COL8A1: variants seen among roughly 807,000 people sequenced by gnomAD.
COL8A1 encodes the protein collagen alpha-1(VIII) chain.
A neutral mutation model predicts 42.7 loss-of-function variants in COL8A1; 21 were observed. That is an observed-to-expected ratio of 0.49 (90% confidence interval 0.35 to 0.71). COL8A1 has a LOEUF of 0.71. Among genes scored for constraint, COL8A1 ranks in the 30% least tolerant of loss-of-function variants. The pLI is 0.01. For missense variants in COL8A1, 788 were observed against 962.4 expected (o/e 0.82, Z 2.40); for synonymous variants, 367 against 369.1 (o/e 0.99, Z 0.06).
intron 1 of COL8A1, among the ~76,000 whole-genome samples, chr3:99,668,094 G>A (rs1036056191): frequency 7.2e-5 from 11 of 151,924 alleles, no homozygotes; most frequent in Non-Finnish European, 1.5e-4. Context: ...AGATAACACA[G>A]CAAATTTAAA....
At chr3:99,668,784 G>A (rs1484432103) in intron 1 of COL8A1, among the ~76,000 whole-genome samples, 1 of 151,984 alleles carries the variant, frequency 6.6e-6, no homozygotes, top group African/African-American at 2.4e-5. Context: ...AATATGCCAG[G>A]CACAGTATCA....
intron 2 of COL8A1, among the ~76,000 whole-genome samples, chr3:99,755,299 T>C (rs141173326): frequency 1.6e-4 from 25 of 152,334 alleles, no homozygotes; most frequent in African/African-American, 4.8e-4. Context: ...CTCCCTCTGA[T>C]AGTTGAGTTT....
At chr3:99,694,629 T>C (rs932110844) in intron 1 of COL8A1, among the ~76,000 whole-genome samples, 2 of 152,248 alleles carry the variant, frequency 1.3e-5, no homozygotes, top group Non-Finnish European at 2.9e-5. Flanking sequence ...TCAGTGTTTG[T>C]TTTATGCCTG....
rs1411490189 is a variant in COL8A1 at position 99,794,922 on chromosome 3, C to T, written c.1021C>T (p.Leu341=). ...GGKGEQGLPG[L]PGPPGLPGIG... is the part of the protein sequence containing the mutation. ...CAAAGGGGAGCAAGGACTGCCAGGG[C>T]TACCAGGACCCCCAGGCCTTCCAGG... Residue 341 remains leucine, a synonymous_variant, in exon 4 of 4, where the codon CTA becomes TTA. Transcript: ENST00000652472. This position sits in a 1 kb window ranked among gnomAD's most constrained non-coding sequence, Gnocchi z 4.3. 1.3e-6 allele frequency: 2 copies of T among 1,597,084 alleles called. No individual in the cohort carries two copies. Among genetic ancestry groups the T allele is most frequent in the Admixed American group, 3.5e-5 (2 of 57,378 alleles).
At chr3:99,678,945 T>C (rs1193262075) in intron 1 of COL8A1, 3 of 152,212 alleles carry the variant, frequency 2.0e-5, no homozygotes, top group African/African-American at 7.2e-5. Context: ...TTGTCCTATA[T>C]ATTGAGGGAT....
intron 1 of COL8A1, among the ~76,000 whole-genome samples, chr3:99,699,336 G>A (rs1939467084): frequency 6.6e-6 from 1 of 152,148 alleles, no homozygotes; most frequent in African/African-American, 2.4e-5. Flanking sequence ...AGCAAACACT[G>A]CACTTGTAAA....
intron 1 of COL8A1, among the ~76,000 whole-genome samples, chr3:99,726,185 A>G (rs1490364205): frequency 6.6e-6 from 1 of 152,022 alleles, no homozygotes; most frequent in Non-Finnish European, 1.5e-5. Context: ...GTACTTTTTC[A>G]TGTGTTTTTT....
At chr3:99,727,205 C>T (rs1576450303) in intron 1 of COL8A1, among the ~76,000 whole-genome samples, 2 of 152,006 alleles carry the variant, frequency 1.3e-5, no homozygotes, top group African/African-American at 4.8e-5. Context: ...CATGATTTGG[C>T]TCTCTGTTTG....
At chr3:99,645,097 A>G (rs139517652) in intron 1 of COL8A1, among the ~76,000 whole-genome samples, 1 of 152,332 alleles carries the variant, frequency 6.6e-6, no homozygotes, top group Admixed American at 6.5e-5. Context: ...TCAAGCCAAC[A>G]TCCCATTTAG....
intron 2 of COL8A1, 79 bp from the exon 3 acceptor site, chr3:99,790,601 C>T (rs1941982569): frequency 1.7e-6 from 2 of 1,148,866 alleles, no homozygotes; most frequent in Middle Eastern, 2.9e-4. Context: ...CTTTTTTTTC[C>T]CCATTCTATC....
At chr3:99,683,591 G>A (rs566941873) in intron 1 of COL8A1, among the ~76,000 whole-genome samples, 2 of 152,126 alleles carry the variant, frequency 1.3e-5, no homozygotes, top group East Asian at 1.9e-4. Flanking sequence ...TGAGGGACAC[G>A]ATAAATTTTA....
At chr3:99,651,183 T>A (rs1408050449) in intron 1 of COL8A1, among the ~76,000 whole-genome samples, 1 of 152,190 alleles carries the variant, frequency 6.6e-6, no homozygotes, top group Non-Finnish European at 1.5e-5. Context: ...AATGAAAAAG[T>A]TCCATTATTC....
intron 1 of COL8A1, among the ~76,000 whole-genome samples, chr3:99,714,483 G>C (rs1403358249): frequency 6.6e-6 from 1 of 152,086 alleles, no homozygotes; most frequent in African/African-American, 2.4e-5. Context: ...GTTAACAGAA[G>C]AATGATGAAA....
At chr3:99,644,475 G>T (rs1201497347) in intron 1 of COL8A1, among the ~76,000 whole-genome samples, 1 of 152,184 alleles carries the variant, frequency 6.6e-6, no homozygotes, top group Admixed American at 6.5e-5. Flanking sequence ...TTCTTGTATT[G>T]TTTCTGTAAA....
intron 1 of COL8A1, among the ~76,000 whole-genome samples, chr3:99,711,159 G>A (rs1022315435): frequency 6.6e-6 from 1 of 152,078 alleles, no homozygotes; most frequent in African/African-American, 2.4e-5. Context: ...GGTCAGTCCT[G>A]CTTTTCACCT....
intron 1 of COL8A1, among the ~76,000 whole-genome samples, chr3:99,651,267 A>G (rs1353767418): frequency 1.3e-5 from 2 of 152,242 alleles, no homozygotes; most frequent in African/African-American, 2.4e-5. Context: ...CAATTGCTTC[A>G]GTCTTCAATA....
At position 99,682,831 on chromosome 3, in the gene COL8A1, A is replaced by G. The variant is rs184920897; in HGVS notation, c.-129+44167A>G. On this transcript the variant is annotated intron_variant, in intron 1 of 3. Coordinates refer to ENST00000652472, the MANE Select transcript of COL8A1 (RefSeq NM_020351.4). ...AATCTGAAAAATCAGAAAAATAATA[A>G]CAACCACACAGCATTGTTGTGTTTA... 5.3e-5 allele frequency among the ~76,000 whole-genome samples: 8 copies of G among 149,970 alleles called. No individual in the cohort carries two copies. In the East Asian group the frequency reaches 1.2e-3, roughly 23 times the overall value.
At chr3:99,640,169 T>A (rs1937478280) in intron 1 of COL8A1, among the ~76,000 whole-genome samples, 1 of 152,222 alleles carries the variant, frequency 6.6e-6, no homozygotes, top group African/African-American at 2.4e-5. Context: ...TGGAAAAAAA[T>A]ATTGCAAGAA....
intron 2 of COL8A1, among the ~76,000 whole-genome samples, chr3:99,755,631 G>A (rs1447283719): frequency 6.6e-6 from 1 of 152,152 alleles, no homozygotes; most frequent in African/African-American, 2.4e-5. Context: ...AAATTGAATG[G>A]TCAACACAAG....
Sources: gnomAD v4.1 joint callset for allele counts (sites outside exome capture counted in the v4.1 genomes callset) on GRCh38, gnomAD v4.1.1 for gene constraint, Gnocchi (gnomAD v3.1) non-coding constraint, MANE v1.5 for transcripts, NCBI Gene and HGNC (gene_info 2026-07-23, HGNC 2026-07-21) for gene names.